LDB3: variants seen among roughly 807,000 people sequenced by gnomAD.
The protein encoded by LDB3 is LIM domain binding 3, also known as LIM domain-binding protein 3.
In LDB3, 49 loss-of-function variants were observed where a neutral mutation model predicts 69.0. That is an observed-to-expected ratio of 0.71 (90% CI 0.56 to 0.90). The LOEUF (loss-of-function observed/expected upper bound fraction) is 0.90. Ranked by LOEUF, LDB3 falls within the 40% of genes least tolerant of loss-of-function variation. LDB3 has a pLI of 0.00. For missense variants in LDB3, 928 were observed against 974.1 expected (o/e 0.95, Z 0.63); for synonymous variants, 387 against 396.2 (o/e 0.98, Z 0.28).
At chr10:86,707,270 C>T (rs1220597381) in intron 8 of LDB3, among the ~76,000 whole-genome samples, 4 of 152,036 alleles carry the variant, frequency 2.6e-5, no homozygotes, top group African/African-American at 4.8e-5. Context: ...TATATCTGCT[C>T]CACAGCTTAC....
chr10:86,673,831 C>T (rs979152324), intron 2 of LDB3, among the ~76,000 whole-genome samples: 2 of 152,214 alleles, frequency 1.3e-5, no homozygotes, highest in African/African-American at 4.8e-5. Flanking sequence ...AGGCAGGGGC[C>T]TGCCTGGTTT....
chr10:86,678,497 G>A (rs538428372), intron 2 of LDB3, among the ~76,000 whole-genome samples: 39 of 151,598 alleles, frequency 2.6e-4, no homozygotes, highest in Non-Finnish European at 4.4e-4. Flanking sequence ...CCACCACCAG[G>A]CATGGCTAAT....
At position 86,706,744 on chromosome 10, in the gene LDB3, C is replaced by A. The variant is rs750088856; in HGVS notation, c.1085+25C>A. On this transcript the variant is annotated intron_variant, in intron 8 of 13. Coordinates refer to ENST00000361373, the MANE Select transcript of LDB3 (RefSeq NM_007078.3). ...GGTAACTGGGCCACAGGTGCTGGGC[C>A]TGACCCTGGGGAAGGGAGGCAGGAA... 16 of 1,595,846 alleles carry A rather than the reference C, an allele frequency of 1.0e-5. No individual in the cohort carries two copies. In the South Asian group the frequency reaches 1.8e-4, roughly 18 times the overall value.
chr10:86,725,118 G>A (rs1009277570), intron 12 of LDB3, among the ~76,000 whole-genome samples: 3 of 152,188 alleles, frequency 2.0e-5, no homozygotes, highest in Non-Finnish European at 2.9e-5. Context: ...GGAGGAATGC[G>A]TACACTTCTC....
At chr10:86,717,896 G>C (rs1418994870) in intron 10 of LDB3, 68 bp from the exon 11 acceptor site, 1 of 1,420,532 alleles carries the variant, frequency 7.0e-7, no homozygotes, top group African/African-American at 1.4e-5. Flanking sequence ...ACAGTGTTGG[G>C]GTTCTTCAAA....
At chr10:86,680,046 A>C (rs369350319) in intron 3 of LDB3, 36 bp from the exon 4 acceptor site, 11 of 1,593,748 alleles carry the variant, frequency 6.9e-6, no homozygotes, top group South Asian at 1.1e-5. Flanking sequence ...CCCCAGGGGC[A>C]ACTTCCTCAC....
At chr10:86,683,639 TAGGGGAGGATGTGC>T (rs899007352) in intron 5 of LDB3, among the ~76,000 whole-genome samples, 3 of 152,188 alleles carry the variant, frequency 2.0e-5, no homozygotes, top group African/African-American at 7.2e-5. Flanking sequence ...GATGGTGGGC[TAGGGGAGGATGTGC>T]AGTGGGTGCT....
In LDB3 at chr10:86,692,035, A is replaced by T. The variant is rs78680509; in HGVS notation, c.829A>T (p.Ile277Phe). 2.5e-6 allele frequency: 4 copies of T among 1,614,130 alleles called. No individual in the cohort carries two copies. The Admixed American group carries it at 5.0e-5, about 20-fold the overall frequency. ...CAACCTGCAGTCTCGCTCCTTCCGC[A>T]TCCTGGCCCAGATGACGGGGACAGA... Reference protein sequence around the residue: ...SSNLQSRSFRILAQMTGTEFM... With the variant: ...SSNLQSRSFRFLAQMTGTEFM... The change falls in exon 6 of 14, where the codon ATC (isoleucine) becomes TTC (phenylalanine). Residue 277 changes from isoleucine to phenylalanine, a missense_variant. Transcript: ENST00000361373.
At chr10:86,679,977 C>A (rs1018402648) in intron 3 of LDB3, 105 bp from the exon 4 acceptor site, 3 of 998,310 alleles carry the variant, frequency 3.0e-6, no homozygotes, top group Non-Finnish European at 4.8e-6. Flanking sequence ...TCTCTGAGAG[C>A]TGACTCTGGC....
In LDB3 at chr10:86,735,656, C is replaced by T. The variant is rs1847607129; in HGVS notation, c.*2680C>T. On this transcript the variant is annotated 3_prime_UTR_variant, in exon 14 of 14. Transcript: ENST00000361373. ...ATTAGCCAGGTGTGGTGGCAGGCGC[C>T]TGTAGTTCCAGCTACTTGGGAGGCT... The T allele has an allele frequency of 6.6e-6, 1 of 151,824 alleles. No individual in the cohort carries two copies. Among genetic ancestry groups the T allele is most frequent in the South Asian group, 2.1e-4 (1 of 4,802 alleles). The allele number at this position is 151,824 out of a possible 1,614,324, so 9.4% of individuals were successfully genotyped here. A position where few individuals can be genotyped will look rare whatever the true frequency, so the allele number is the denominator to read the frequency against.
chr10:86,712,259 G>T (rs1344984008), intron 9 of LDB3, among the ~76,000 whole-genome samples: 1 of 152,198 alleles, frequency 6.6e-6, no homozygotes, highest in Non-Finnish European at 1.5e-5. Flanking sequence ...GCCTCTGTGA[G>T]ACCTCTGTGT....
intron 2 of LDB3, among the ~76,000 whole-genome samples, chr10:86,672,069 A>T (rs780065130): frequency 6.8e-6 from 1 of 146,264 alleles, no homozygotes; most frequent in Non-Finnish European, 1.5e-5. Flanking sequence ...CTGAGATCGC[A>T]CCACTGCACT....
At position 86,706,548 on chromosome 10, in the gene LDB3, C is replaced by T. The variant is rs544084461; in HGVS notation, c.914C>T (p.Ala305Val). ...CTCATCAGCACCCCTATTGAGCATGCGCCGGTGTGCACCAGCCAGGCCACC... is the reference window on the plus strand; with the variant it reads ...CTCATCAGCACCCCTATTGAGCATGTGCCGGTGTGCACCAGCCAGGCCACC... ...LRRSSTPIEH[A>V]PVCTSQATTP... Residue 305 changes from alanine (A) to valine (V), a missense_variant, in exon 8 of 14, where the codon GCG becomes GTG. Transcript: ENST00000361373. 6.2e-6 allele frequency: 10 copies of T among 1,612,718 alleles called. No homozygotes were observed. The highest frequency in any genetic ancestry group is 3.3e-5 in the Admixed American group (2 of 60,020).
intron 6 of LDB3, among the ~76,000 whole-genome samples, 153 bp from the exon 7 acceptor site, chr10:86,692,382 T>C (rs895086348): frequency 6.6e-6 from 1 of 152,208 alleles, no homozygotes; most frequent in East Asian, 1.9e-4. Flanking sequence ...CAATGTCCTC[T>C]GGGGCCTCTG....
At chr10:86,688,044 G>C (rs376279317) in intron 5 of LDB3, among the ~76,000 whole-genome samples, 7,137 of 41,910 alleles carry the variant, frequency 0.17, 219 homozygotes, top group African/African-American at 0.23. Flanking sequence ...TCCCTCCCCC[G>C]ACCCTCGTGT....
At chr10:86,728,995 G>A (rs1247047262) in intron 13 of LDB3, among the ~76,000 whole-genome samples, 3 of 149,330 alleles carry the variant, frequency 2.0e-5, no homozygotes, top group African/African-American at 7.4e-5. Flanking sequence ...AATCACTTTT[G>A]ATGAGCATGT....
In LDB3 at chr10:86,724,211, T is replaced by A. The variant is rs994559345; in HGVS notation, c.1979-1926T>A. Among the ~76,000 whole-genome samples the A allele has an allele frequency of 5.3e-5, 8 of 152,258 alleles. No homozygotes were observed. In the East Asian group the frequency reaches 1.5e-3, roughly 29 times the overall value. Reference sequence around the variant, plus strand: ...CTGCAATCCCAGCTACTTGGGAGGCTGAGGTGGGAGAACTGCTTGAACCCT... The same window carrying A: ...CTGCAATCCCAGCTACTTGGGAGGCAGAGGTGGGAGAACTGCTTGAACCCT... On this transcript the variant is annotated intron_variant, in intron 12 of 13. Coordinates refer to ENST00000361373, the MANE Select transcript of LDB3 (RefSeq NM_007078.3).
At chr10:86,700,428 G>A (rs1846213062) in intron 7 of LDB3, among the ~76,000 whole-genome samples, 2 of 152,192 alleles carry the variant, frequency 1.3e-5, no homozygotes, top group South Asian at 4.1e-4. Context: ...TGTTCTCACA[G>A]GAAGGAGCTA....
At chr10:86,711,792 G>GCGCGGGCCGGGGACGGTCACGTTGGCC (rs1846678901) in intron 9 of LDB3, among the ~76,000 whole-genome samples, 2 of 149,616 alleles carry the variant, frequency 1.3e-5, no homozygotes, top group Non-Finnish European at 3.0e-5. Flanking sequence ...GAGACCCTGC[G>GCGCGGGCCGGGGACGGTCACGTTGGCC]CGCGGGCCGG....
Sources: gnomAD v4.1 joint callset for allele counts (sites outside exome capture counted in the v4.1 genomes callset) on GRCh38, gnomAD v4.1.1 for gene constraint, MANE v1.5 for transcripts, NCBI Gene and HGNC (gene_info 2026-07-23, HGNC 2026-07-21) for gene names.